The following DEPDC5 variants were observed in gnomAD, a reference collection of about 807,000 sequenced individuals.
DEPDC5 encodes the protein GATOR1 complex protein DEPDC5.
In DEPDC5, 73 loss-of-function variants were observed where a neutral mutation model predicts 217.3. The ratio of observed to expected loss-of-function variants is 0.34; its 90% CI spans 0.28 to 0.41. DEPDC5 has a LOEUF of 0.41. DEPDC5 is among the 10% of genes least tolerant of loss of function. DEPDC5 has a pLI of 1.00. For synonymous variants in DEPDC5, 733 were observed against 756.7 expected (o/e 0.97, Z 0.51); for missense variants, 1,675 against 2,070.1 (o/e 0.81, Z 3.70).
rs935706008 is a variant in DEPDC5, at chr22:31,827,766, G to A, written c.2104+4976G>A. Among the ~76,000 whole-genome samples, 18 of 152,100 alleles carry A rather than the reference G, an allele frequency of 1.2e-4. 1 individual carries two copies. The highest frequency in any genetic ancestry group is 1.1e-3 in the Admixed American group (17 of 15,266). On this transcript the variant is annotated intron_variant, in intron 24 of 42. Coordinates refer to ENST00000651528, the MANE Select transcript of DEPDC5 (RefSeq NM_001242896.3). ...AGATCAGGCTCACTCTGAATTGCAG[G>A]TCCTTCCTCTTGTTCGCCCCTCTGC...
At chr22:31,879,029 C>CAAAAAAAA (rs1264327219) in intron 37 of DEPDC5, among the ~76,000 whole-genome samples, 66 of 68,052 alleles carry the variant, frequency 9.7e-4, no homozygotes, top group Non-Finnish European at 1.4e-3. Context: ...GACTCCGTCT[C>CAAAAAAAA]AAAAAAAAAA....
chr22:31,777,070 CT>C (rs2083938563), intron 7 of DEPDC5, among the ~76,000 whole-genome samples: 2 of 151,000 alleles, frequency 1.3e-5, no homozygotes, highest in South Asian at 4.2e-4. Context: ...TCAAACGGTT[CT>C]CCTGCCTAAG....
At chr22:31,838,485 A>G (rs1474055507) in intron 26 of DEPDC5, among the ~76,000 whole-genome samples, 200 bp from the exon 27 acceptor site, 1 of 152,078 alleles carries the variant, frequency 6.6e-6, no homozygotes, top group Non-Finnish European at 1.5e-5. Context: ...GCTTATGCAT[A>G]TGCAATCTGC....
chr22:31,847,233 C>T lies in DEPDC5; in HGVS notation c.3155+266C>T, dbSNP rs754840871. Among the ~76,000 whole-genome samples, 10 of 152,140 alleles carry T rather than the reference C, an allele frequency of 6.6e-5. No individual in the cohort carries two copies. In the East Asian group the frequency reaches 7.7e-4, roughly 12 times the overall value. ...ACAAAGTATTTCAACATATTTGAGC[C>T]GGGGCCAGGTGTGGTGGCTCAGGCC... is the stretch of plus-strand genomic sequence containing the variant. On this transcript the variant is annotated intron_variant, in intron 31 of 42. Coordinates refer to ENST00000651528, the MANE Select transcript of DEPDC5 (RefSeq NM_001242896.3).
intron 38 of DEPDC5, chr22:31,891,159 A>G: frequency 2.0e-6 from 1 of 500,968 alleles, no homozygotes; most frequent in South Asian, 1.8e-5. Context: ...TTTTTGTAGG[A>G]GCTCCTTCTT....
chr22:31,770,072 A>G (rs77318501), intron 7 of DEPDC5, among the ~76,000 whole-genome samples: 2 of 130,806 alleles, frequency 1.5e-5, no homozygotes, highest in East Asian at 4.4e-4. Context: ...AAAAAAAGAG[A>G]AAAAAAAAAA....
In DEPDC5 at chr22:31,891,740, G is replaced by A. The variant is rs75408684; in HGVS notation, c.4034-1842G>A. Among the ~76,000 whole-genome samples, 1,460 of 152,182 alleles carry A rather than the reference G, an allele frequency of 9.6e-3. 20 individuals carry two copies. The highest frequency in any genetic ancestry group is 0.032 in the African/African-American group (1,348 of 41,508). ...AGTTTATAGAAACCCTAGGTCTGGG[G>A]GTACATGTTCTCAGGATCTCTTAAG... is the stretch of plus-strand genomic sequence containing the variant. On this transcript the variant is annotated intron_variant, in intron 38 of 42. Transcript: ENST00000651528.
At chr22:31,870,767 T>C in intron 34 of DEPDC5, 23 bp downstream of exon 34, 3 of 1,523,370 alleles carry the variant, frequency 2.0e-6, no homozygotes, top group South Asian at 1.3e-5. Context: ...GTGGCCAAAC[T>C]CATGTTCCTG....
chr22:31,874,518 AT>A (rs1451804028), intron 36 of DEPDC5, 113 bp downstream of exon 36: 35 of 1,341,230 alleles, frequency 2.6e-5, no homozygotes, highest in South Asian at 4.9e-5. Context: ...TGGGGTGAGG[AT>A]TTTTTTTAAT....
At chr22:31,794,755 G>A (rs980255951) in intron 12 of DEPDC5, among the ~76,000 whole-genome samples, 3 of 152,048 alleles carry the variant, frequency 2.0e-5, no homozygotes, top group African/African-American at 7.2e-5. Context: ...GTGCAGTGGT[G>A]CGCGCCTGTA....
intron 31 of DEPDC5, 98 bp from the exon 32 acceptor site, chr22:31,857,347 A>G: frequency 1.0e-6 from 1 of 980,566 alleles, no homozygotes; most frequent in Non-Finnish European, 1.5e-6. Flanking sequence ...GTGTGTTTCA[A>G]AGATGACAGC....
chr22:31,868,760 A>G (rs1004715932), intron 33 of DEPDC5, among the ~76,000 whole-genome samples: 1 of 152,238 alleles, frequency 6.6e-6, no homozygotes, highest in African/African-American at 2.4e-5. Flanking sequence ...ATTTTTGCTA[A>G]CAAAATATCT....
intron 24 of DEPDC5, among the ~76,000 whole-genome samples, chr22:31,825,303 G>A (rs1011543468): frequency 6.6e-6 from 1 of 152,192 alleles, no homozygotes; most frequent in Non-Finnish European, 1.5e-5. Flanking sequence ...AATCATTTTA[G>A]GGAAAAGAAG....
chr22:31,786,002 C>G (rs9621337), intron 10 of DEPDC5, among the ~76,000 whole-genome samples: 1 of 152,100 alleles, frequency 6.6e-6, no homozygotes, highest in African/African-American at 2.4e-5. Context: ...TGCGGTGGCT[C>G]ATACCTGTAA....
chr22:31,788,703 A>AGG (rs1163832500), intron 10 of DEPDC5, among the ~76,000 whole-genome samples: 1 of 151,368 alleles, frequency 6.6e-6, no homozygotes, highest in African/African-American at 2.4e-5. Flanking sequence ...CCTCCCGAAT[A>AGG]GCTGAGATTA....
intron 27 of DEPDC5, 126 bp downstream of exon 27, chr22:31,838,971 A>G: frequency 9.5e-7 from 1 of 1,053,118 alleles, no homozygotes; most frequent in South Asian, 1.9e-5. Flanking sequence ...TTTTCTTTAT[A>G]AATTCTACTT....
chr22:31,837,244 G>A, intron 26 of DEPDC5, 89 bp downstream of exon 26: 1 of 1,403,418 alleles, frequency 7.1e-7, no homozygotes, highest in Non-Finnish European at 9.8e-7. Flanking sequence ...ATTTGTGCTG[G>A]CTTCAGCAAC....
intron 4 of DEPDC5, among the ~76,000 whole-genome samples, chr22:31,763,889 G>A (rs1358455181): frequency 6.6e-6 from 1 of 151,938 alleles, no homozygotes; most frequent in Admixed American, 6.6e-5. Context: ...TATGTTGTGT[G>A]GTGTTATGTT....
At chr22:31,863,001 A>G (rs1215986276) in intron 33 of DEPDC5, among the ~76,000 whole-genome samples, 1 of 152,048 alleles carries the variant, frequency 6.6e-6, no homozygotes, top group Admixed American at 6.6e-5. Context: ...ATAGGTATGA[A>G]CCACCATACA....
Sources: allele counts gnomAD v4.1 joint callset (sites outside exome capture counted in the v4.1 genomes callset), GRCh38; gene constraint gnomAD v4.1.1; transcripts MANE v1.5; gene names NCBI Gene and HGNC (gene_info 2026-07-23, HGNC 2026-07-21).